TTC27: variants seen among roughly 807,000 people sequenced by gnomAD.
TTC27 encodes tetratricopeptide repeat protein 27.
In TTC27, 79 loss-of-function variants were observed where a neutral mutation model predicts 115.9. The observed-to-expected ratio is 0.68, with a 90% CI of 0.57 to 0.82. The LOEUF (loss-of-function observed/expected upper bound fraction) is 0.82, where lower values mean the gene tolerates loss of function less well. TTC27 is among the 40% of genes least tolerant of loss of function. The probability of loss-of-function intolerance (pLI) is 0.00; values close to 1 mark genes in which losing one functional copy is unlikely to be tolerated. For synonymous variants in TTC27, 401 were observed against 356.0 expected, an observed-to-expected ratio of 1.13 and a Z score of -1.42; for missense variants, 1,054 against 993.1, an observed-to-expected ratio of 1.06 and a Z score of -0.82.
intron 4 of TTC27, among the ~76,000 whole-genome samples, chr2:32,645,788 C>T (rs1175114457): frequency 1.3e-5 from 2 of 151,650 alleles, no homozygotes; most frequent in Admixed American, 1.3e-4. Flanking sequence ...GTGATCTCAG[C>T]TCAGTGCAAC....
At chr2:32,691,305 C>CT (rs201773475) in intron 9 of TTC27, among the ~76,000 whole-genome samples, 28,438 of 139,968 alleles carry the variant, frequency 0.2, 3,293 homozygotes, top group South Asian at 0.38. Context: ...TGAATATTTA[C>CT]TTTTTTTTTT....
intron 12 of TTC27, among the ~76,000 whole-genome samples, chr2:32,754,811 CTGGG>C (rs1364913148): frequency 4.7e-5 from 5 of 105,312 alleles, no homozygotes; most frequent in African/African-American, 6.5e-5. Context: ...GGGCGGCTGG[CTGGG>C]CGGGGGGGCT....
chr2:32,629,683 C>T (rs1178592115), intron 1 of TTC27, among the ~76,000 whole-genome samples: 1 of 152,002 alleles, frequency 6.6e-6, no homozygotes, highest in African/African-American at 2.4e-5. Flanking sequence ...TCGTGATCCA[C>T]CCACCTCGGC....
intron 13 of TTC27, among the ~76,000 whole-genome samples, chr2:32,770,398 C>G (rs1415657751): frequency 6.6e-6 from 1 of 152,202 alleles, no homozygotes; most frequent in African/African-American, 2.4e-5. Context: ...GATTCCAGAG[C>G]TCTTGCTCTT....
intron 9 of TTC27, among the ~76,000 whole-genome samples, chr2:32,694,328 T>A (rs1033562386): frequency 1.3e-5 from 2 of 152,236 alleles, no homozygotes; most frequent in Non-Finnish European, 2.9e-5. Flanking sequence ...AGCCTTTTCA[T>A]GTGCTAAAAT....
At chr2:32,791,621 G>C (rs1670540240) in intron 16 of TTC27, among the ~76,000 whole-genome samples, 1 of 152,220 alleles carries the variant, frequency 6.6e-6, no homozygotes, top group African/African-American at 2.4e-5. Context: ...CTTGAAGTCT[G>C]TGGGGGAAGA....
chr2:32,795,493 A>G (rs1258282410), intron 16 of TTC27, among the ~76,000 whole-genome samples: 1 of 151,704 alleles, frequency 6.6e-6, no homozygotes, highest in African/African-American at 2.4e-5. Flanking sequence ...CCCACAGCAA[A>G]CATCATACTT....
rs533517917 is a variant in TTC27, at chr2:32,789,501, G to A, written c.1998+2352G>A. On this transcript the variant is annotated intron_variant, in intron 16 of 19. Transcript: ENST00000317907. ...TAACAGTGGTATTATAGATACCAAA[G>A]GATATAATTTTGGTAACAATAACCT... Among the ~76,000 whole-genome samples the A allele has an allele frequency of 3.9e-5, 6 of 152,226 alleles. No homozygotes were observed. In the East Asian group the frequency reaches 1.2e-3, roughly 29 times the overall value.
intron 4 of TTC27, among the ~76,000 whole-genome samples, chr2:32,641,572 T>C (rs566897272): frequency 2.0e-5 from 3 of 152,256 alleles, no homozygotes; most frequent in Admixed American, 6.5e-5. Flanking sequence ...TCCATCTGAT[T>C]GTTGCAACCT....
At chr2:32,764,500 C>G (rs1669557676) in intron 13 of TTC27, among the ~76,000 whole-genome samples, 1 of 152,058 alleles carries the variant, frequency 6.6e-6, no homozygotes, top group Admixed American at 6.6e-5. Flanking sequence ...CATCTTTTTG[C>G]TGGTGGAAGG....
chr2:32,788,423 T>A (rs55932117), intron 16 of TTC27, among the ~76,000 whole-genome samples: 1 of 152,312 alleles, frequency 6.6e-6, no homozygotes, highest in Non-Finnish European at 1.5e-5. Context: ...TCCTTCCTGA[T>A]AAGCTAGACA....
intron 10 of TTC27, among the ~76,000 whole-genome samples, chr2:32,723,886 A>G (rs1003128520): frequency 6.7e-6 from 1 of 149,512 alleles, no homozygotes; most frequent in Non-Finnish European, 1.5e-5. Context: ...TGCATCCTCA[A>G]CCTCCTGGCC....
intron 10 of TTC27, among the ~76,000 whole-genome samples, chr2:32,720,693 G>T (rs201748451): frequency 1.3e-5 from 2 of 152,092 alleles, no homozygotes; most frequent in African/African-American, 2.4e-5. Context: ...AGTACCCTAT[G>T]TGCTCCTAAG....
At chr2:32,672,700 T>C (rs753935590) in intron 8 of TTC27, among the ~76,000 whole-genome samples, 3 of 152,234 alleles carry the variant, frequency 2.0e-5, no homozygotes, top group Admixed American at 1.3e-4. Flanking sequence ...GATATTTACA[T>C]TTCAAAGGAT....
intron 12 of TTC27, among the ~76,000 whole-genome samples, chr2:32,754,022 C>T (rs1337458103): frequency 6.6e-6 from 1 of 151,686 alleles, no homozygotes; most frequent in African/African-American, 2.4e-5. Context: ...TTGCAGTGAG[C>T]AGATCATGCC....
chr2:32,684,567 T>G (rs1666565369), intron 9 of TTC27, among the ~76,000 whole-genome samples: 1 of 152,170 alleles, frequency 6.6e-6, no homozygotes, highest in Non-Finnish European at 1.5e-5. Flanking sequence ...AAGTTACACA[T>G]TATATTTTAT....
intron 8 of TTC27, among the ~76,000 whole-genome samples, chr2:32,678,253 CAAAAAA>C (rs10710939): frequency 3.0e-5 from 3 of 99,150 alleles, no homozygotes; most frequent in Non-Finnish European, 6.1e-5. Flanking sequence ...AGCCCTGTCT[CAAAAAA>C]AAAAAAAAAA....
chr2:32,723,115 A>T (rs565445930), intron 10 of TTC27, among the ~76,000 whole-genome samples: 1 of 152,196 alleles, frequency 6.6e-6, no homozygotes, highest in Non-Finnish European at 1.5e-5. Context: ...TATTAATGGG[A>T]TGAAGTAAAA....
intron 10 of TTC27, among the ~76,000 whole-genome samples, chr2:32,729,665 C>T (rs919162138): frequency 5.3e-5 from 8 of 152,096 alleles, no homozygotes; most frequent in Admixed American, 4.6e-4. Context: ...GTATATCCAG[C>T]CCCTACTTCT....
Sources: allele counts gnomAD v4.1 joint callset (sites outside exome capture counted in the v4.1 genomes callset), GRCh38; gene constraint gnomAD v4.1.1; transcripts MANE v1.5; gene names NCBI Gene and HGNC (gene_info 2026-07-23, HGNC 2026-07-21).